BAZ2B: variants seen among roughly 807,000 people sequenced by gnomAD.
BAZ2B encodes bromodomain adjacent to zinc finger domain 2B, also known as bromodomain adjacent to zinc finger domain protein 2B.
In BAZ2B, 91 loss-of-function variants were observed where a neutral mutation model predicts 246.0. The observed-to-expected ratio is 0.37, with a 90% CI of 0.31 to 0.44. BAZ2B has a LOEUF of 0.44. BAZ2B is among the 20% of genes least tolerant of loss of function. The pLI is 1.00. For synonymous variants in BAZ2B, 855 were observed against 860.0 expected, an observed-to-expected ratio of 0.99 and a Z score of 0.10; for missense variants, 2,332 against 2,533.7, an observed-to-expected ratio of 0.92 and a Z score of 1.71.
the BAZ2B span, among the ~76,000 whole-genome samples, chr2:159,644,036 G>A: frequency 6.6e-6 from 1 of 152,136 alleles, no homozygotes; most frequent in Non-Finnish European, 1.5e-5. Context: ...TTGACCCCAG[G>A]AGGTAGACAC....
chr2:159,619,546 TAAA>T (rs997549208), upstream of BAZ2B, among the ~76,000 whole-genome samples: 14 of 150,606 alleles, frequency 9.3e-5, no homozygotes, highest in African/African-American at 2.9e-4. Context: ...ATAAAAATAA[TAAA>T]AACTTTAATT....
intron 2 of BAZ2B, among the ~76,000 whole-genome samples, chr2:159,500,425 G>C (rs1338618235): frequency 6.6e-6 from 1 of 152,184 alleles, no homozygotes; most frequent in Non-Finnish European, 1.5e-5. Flanking sequence ...CTGTAGCCTT[G>C]TAGTATAGTT....
intron 3 of BAZ2B, among the ~76,000 whole-genome samples, chr2:159,468,207 C>T (rs911922447): frequency 4.6e-5 from 7 of 152,122 alleles, no homozygotes; most frequent in African/African-American, 1.7e-4. Context: ...ACTAAGTGCA[C>T]TCCCTCATCA....
chr2:159,399,646 A>C (rs1274539582), intron 17 of BAZ2B, among the ~76,000 whole-genome samples: 2 of 152,208 alleles, frequency 1.3e-5, no homozygotes, highest in African/African-American at 4.8e-5. Context: ...AAACATTTTC[A>C]ATTTCCGGTT....
At chr2:159,337,955 T>C (rs952818684) in intron 31 of BAZ2B, among the ~76,000 whole-genome samples, 183 bp from the exon 32 acceptor site, 1 of 152,212 alleles carries the variant, frequency 6.6e-6, no homozygotes, top group African/African-American at 2.4e-5. Context: ...GAAATAGTTG[T>C]AAGAAAAGTT....
At chr2:159,710,376 T>C in the BAZ2B span, among the ~76,000 whole-genome samples, 1 of 152,036 alleles carries the variant, frequency 6.6e-6, no homozygotes, top group Non-Finnish European at 1.5e-5. Flanking sequence ...GCCCGGCTAA[T>C]TTTTTGTACT....
chr2:159,567,277 G>A (rs1452972027), intron 1 of BAZ2B, among the ~76,000 whole-genome samples: 1 of 152,094 alleles, frequency 6.6e-6, no homozygotes, highest in Admixed American at 6.5e-5. Context: ...TGTAACCTTT[G>A]TTACTGGGGG....
At chr2:159,676,137 C>T in the BAZ2B span, among the ~76,000 whole-genome samples, 3 of 152,160 alleles carry the variant, frequency 2.0e-5, no homozygotes, top group African/African-American at 7.2e-5. Context: ...TCGTGATCCA[C>T]CTGCCTCGGC....
rs186760229 is a variant in BAZ2B at position 159,332,282 on chromosome 2, G to A, written c.5943+258C>T. Among the ~76,000 whole-genome samples, 146 of 150,306 alleles carry A rather than the reference G, an allele frequency of 9.7e-4. 1 individual carries two copies. Among genetic ancestry groups the A allele is most frequent in the African/African-American group, 3.4e-3 (141 of 40,882 alleles). On this transcript the variant is annotated intron_variant, in intron 34 of 36. Transcript: ENST00000392783. ...GGTAGGAAGATTGCTTGAGGCCAGG[G>A]ATGAGACCACTGCAGGCAACATAGC...
chr2:159,407,278 C>G (rs2066102130), intron 14 of BAZ2B, among the ~76,000 whole-genome samples: 1 of 151,792 alleles, frequency 6.6e-6, no homozygotes, highest in Non-Finnish European at 1.5e-5. Context: ...TCGAGACCAG[C>G]CTGGCCAACA....
intron 10 of BAZ2B, among the ~76,000 whole-genome samples, chr2:159,430,431 T>C (rs550509607): frequency 6.6e-6 from 1 of 152,242 alleles, no homozygotes; most frequent in Non-Finnish European, 1.5e-5. Flanking sequence ...ATTCATGTTA[T>C]CAGTAAGGCT....
chr2:159,362,292 T>C (rs1203565381), intron 27 of BAZ2B, among the ~76,000 whole-genome samples: 2 of 152,158 alleles, frequency 1.3e-5, no homozygotes, highest in African/African-American at 4.8e-5. Context: ...GTCCTCCCTA[T>C]GTAGACTTTG....
chr2:159,368,927 A>G (rs1381431756), intron 27 of BAZ2B, among the ~76,000 whole-genome samples: 1 of 151,674 alleles, frequency 6.6e-6, no homozygotes, highest in Non-Finnish European at 1.5e-5. Flanking sequence ...TAAAGACATT[A>G]AATTATTTAT....
the BAZ2B span, among the ~76,000 whole-genome samples, chr2:159,701,366 G>T: frequency 1.3e-5 from 2 of 151,628 alleles, no homozygotes; most frequent in Admixed American, 1.3e-4. Context: ...TAATAATGAA[G>T]GCCACTCTAA....
intron 2 of BAZ2B, among the ~76,000 whole-genome samples, chr2:159,542,531 G>A (rs1243555422): frequency 2.0e-5 from 3 of 152,184 alleles, no homozygotes; most frequent in Non-Finnish European, 4.4e-5. Flanking sequence ...TAGCTATTCA[G>A]GAGGCTGAGG....
At chr2:159,552,306 C>A (rs55890139) in intron 2 of BAZ2B, among the ~76,000 whole-genome samples, 9,406 of 152,088 alleles carry the variant, frequency 0.062, 927 homozygotes, top group African/African-American at 0.21. Context: ...ATGTAGAAAT[C>A]TATTTATTAA....
At chr2:159,456,392 A>T (rs1212440491) in intron 3 of BAZ2B, among the ~76,000 whole-genome samples, 1 of 152,122 alleles carries the variant, frequency 6.6e-6, no homozygotes, top group African/African-American at 2.4e-5. Flanking sequence ...CAAACAAGCT[A>T]AACTTTGTAG....
At chr2:159,600,437 A>C (rs1578818582) in intron 1 of BAZ2B, among the ~76,000 whole-genome samples, 1 of 152,350 alleles carries the variant, frequency 6.6e-6, no homozygotes, top group South Asian at 2.1e-4. Flanking sequence ...ACTGTTAAAA[A>C]AAAACGAAAA....
intron 34 of BAZ2B, among the ~76,000 whole-genome samples, chr2:159,332,326 C>CAAAAA: frequency 7.1e-6 from 1 of 141,444 alleles, no homozygotes; most frequent in East Asian, 2.1e-4. Flanking sequence ...ATCTCTCTCT[C>CAAAAA]AAAAAAAAAA....
Sources: allele counts gnomAD v4.1 joint callset (sites outside exome capture counted in the v4.1 genomes callset), GRCh38; gene constraint gnomAD v4.1.1; transcripts MANE v1.5; gene names NCBI Gene and HGNC (gene_info 2026-07-23, HGNC 2026-07-21).